RASGRP1: variants seen among roughly 807,000 people sequenced by gnomAD.
RASGRP1 encodes the protein RAS guanyl-releasing protein 1.
In RASGRP1, 37 loss-of-function variants were observed where a neutral mutation model predicts 95.1. That is an observed-to-expected ratio of 0.39 (90% CI 0.30 to 0.51). The LOEUF (loss-of-function observed/expected upper bound fraction) is 0.51. Ranked by LOEUF, RASGRP1 falls within the 20% of genes least tolerant of loss-of-function variation. The pLI, the probability that RASGRP1 is intolerant of heterozygous loss-of-function variation, is 0.80. For synonymous variants in RASGRP1, 325 were observed against 353.4 expected (o/e 0.92, Z 0.90); for missense variants, 711 against 965.4 (o/e 0.74, Z 3.49).
At chr15:38,547,534 C>G (rs1324242836) in intron 2 of RASGRP1, among the ~76,000 whole-genome samples, 2 of 152,276 alleles carry the variant, frequency 1.3e-5, no homozygotes, top group East Asian at 1.9e-4. Flanking sequence ...ACTCCCCTAC[C>G]AGTTTTTCCT....
At chr15:38,562,380 G>A (rs1295656688) in intron 1 of RASGRP1, among the ~76,000 whole-genome samples, 3 of 152,160 alleles carry the variant, frequency 2.0e-5, no homozygotes, top group East Asian at 1.9e-4. Flanking sequence ...GAAGAGCAAC[G>A]TGCCTGGCCA....
chr15:38,518,500 T>C (rs1891876594), intron 4 of RASGRP1, 77 bp from the exon 5 acceptor site: 1 of 1,448,476 alleles, frequency 6.9e-7, no homozygotes, highest in East Asian at 2.5e-5. Context: ...CAAAAGGAAT[T>C]TACTGCCACA....
At chr15:38,549,027 G>GC (rs1893220846) in intron 2 of RASGRP1, among the ~76,000 whole-genome samples, 1 of 152,208 alleles carries the variant, frequency 6.6e-6, no homozygotes, top group Admixed American at 6.5e-5. Context: ...ATTCCCGAGA[G>GC]CAAGTGCTCA....
At chr15:38,498,038 T>A (rs185942125) in intron 15 of RASGRP1, among the ~76,000 whole-genome samples, 1 of 152,292 alleles carries the variant, frequency 6.6e-6, no homozygotes, top group East Asian at 1.9e-4. Context: ...GGCTTGGGGT[T>A]CCTCTCCTGG....
chr15:38,490,715 T>G (rs761668657), intron 16 of RASGRP1, 27 bp from the exon 17 acceptor site: 2 of 1,589,578 alleles, frequency 1.3e-6, no homozygotes, highest in Non-Finnish European at 1.7e-6. Context: ...ATGAGGTATG[T>G]TAATAAAGCA....
chr15:38,503,318 T>G lies in RASGRP1; in HGVS notation c.1382A>C (p.Lys461Thr), dbSNP rs1891112484. 6.2e-7 allele frequency: 1 copy of G among 1,613,024 alleles called. No homozygotes were observed. Among genetic ancestry groups the G allele is most frequent in the Non-Finnish European group, 8.5e-7 (1 of 1,179,514 alleles). ...TTTGCTAATGGTTTTTGGATCAGGT[T>G]TGGGAGACACTCCAGAAGCCCAGTC... ...VVDWASGVSPKPDPKTISKHV... is the reference protein window; with the variant it reads ...VVDWASGVSPTPDPKTISKHV... The change falls in exon 11 of 17, where the codon AAA becomes ACA. Residue 461 changes from lysine to threonine, a missense_variant. Lys to Thr is a moderately conservative substitution (Grantham distance 78, BLOSUM62 -1). This residue lies in a region of RASGRP1 where 491 missense variants were observed against 676.6 expected (regional missense o/e 0.73). Transcript: ENST00000310803.
intron 3 of RASGRP1, chr15:38,524,354 G>A (rs1892115989): frequency 6.6e-6 from 1 of 152,408 alleles, no homozygotes; most frequent in African/African-American, 2.4e-5. Context: ...AAAGGAAGCT[G>A]AGTAAGAGGA....
intron 2 of RASGRP1, among the ~76,000 whole-genome samples, chr15:38,542,842 T>C (rs7178710): frequency 3.3e-4 from 38 of 115,264 alleles, no homozygotes; most frequent in Admixed American, 1.3e-3. Context: ...TGTGTATATA[T>C]ATATATGTGT....
At chr15:38,552,389 G>T (rs1321612940) in intron 2 of RASGRP1, among the ~76,000 whole-genome samples, 1 of 152,184 alleles carries the variant, frequency 6.6e-6, no homozygotes, top group Non-Finnish European at 1.5e-5. Context: ...AGCACCCTCT[G>T]TATCTGGGAA....
At chr15:38,493,469 GC>G (rs1890676081) in intron 16 of RASGRP1, among the ~76,000 whole-genome samples, 2 of 152,100 alleles carry the variant, frequency 1.3e-5, no homozygotes, top group Non-Finnish European at 1.5e-5. Context: ...ACCACGCCCA[GC>G]CCTATTTTCC....
At chr15:38,520,514 T>C (rs1753305464) in intron 3 of RASGRP1, among the ~76,000 whole-genome samples, 1 of 152,204 alleles carries the variant, frequency 6.6e-6, no homozygotes. Flanking sequence ...TAAAAGCATA[T>C]TAGAATGATA....
At chr15:38,531,172 A>C (rs758739037) in intron 2 of RASGRP1, among the ~76,000 whole-genome samples, 5 of 152,252 alleles carry the variant, frequency 3.3e-5, no homozygotes, top group African/African-American at 2.4e-5. Flanking sequence ...AGCATTGTTC[A>C]CAACTCACAG....
intron 3 of RASGRP1, among the ~76,000 whole-genome samples, chr15:38,525,092 T>C (rs1234796934): frequency 6.6e-6 from 1 of 151,756 alleles, no homozygotes; most frequent in African/African-American, 2.4e-5. Flanking sequence ...CTCAGCCTCA[T>C]GAGTAGCTGG....
At chr15:38,537,303 A>G (rs1252959830) in intron 2 of RASGRP1, among the ~76,000 whole-genome samples, 1 of 152,184 alleles carries the variant, frequency 6.6e-6, no homozygotes, top group African/African-American at 2.4e-5. Context: ...CTGCAGGCTG[A>G]ATAAGAAACA....
chr15:38,502,362 T>C lies in RASGRP1; in HGVS notation c.1488A>G (p.Glu496=). 1 of 1,607,398 alleles carries C rather than the reference T, an allele frequency of 6.2e-7. No individual in the cohort carries two copies. Among genetic ancestry groups the C allele is most frequent in the Non-Finnish European group, 8.5e-7 (1 of 1,173,966 alleles). ...AAAATGGAAAACTCGCAGCAATCTT[T>C]TCAAATTCTTCCTGAGAAATGTATC... ...QDGYISQEEF[E]KIAASFPFSF... Residue 496 remains glutamate (E), a synonymous_variant, in exon 12 of 17, where the codon GAA becomes GAG. Coordinates refer to ENST00000310803, the MANE Select transcript of RASGRP1 (RefSeq NM_005739.4).
intron 2 of RASGRP1, among the ~76,000 whole-genome samples, chr15:38,549,709 T>C (rs149677326): frequency 7.0e-6 from 1 of 143,872 alleles, no homozygotes; most frequent in Non-Finnish European, 1.5e-5. Flanking sequence ...TTTGTCCATT[T>C]CAATGAATCA....
intron 7 of RASGRP1, among the ~76,000 whole-genome samples, chr15:38,512,103 C>T (rs1891548389): frequency 6.6e-6 from 1 of 152,204 alleles, no homozygotes; most frequent in Non-Finnish European, 1.5e-5. Flanking sequence ...AATATCAGAG[C>T]AGGTGATCCA....
intron 10 of RASGRP1, chr15:38,503,873 T>C (rs566564023): frequency 1.1e-5 from 2 of 188,842 alleles, no homozygotes; most frequent in East Asian, 3.4e-4. Flanking sequence ...AAATGTGTCA[T>C]GAGGTGATTT....
chr15:38,502,040 A>G (rs1891050354), intron 12 of RASGRP1, among the ~76,000 whole-genome samples: 1 of 152,054 alleles, frequency 6.6e-6, no homozygotes. Context: ...TTTTTAGTAG[A>G]GACAGGGTTT....
Sources: gnomAD v4.1 joint callset for allele counts (sites outside exome capture counted in the v4.1 genomes callset) on GRCh38, gnomAD v4.1.1 for gene constraint, gnomAD v4.1.1 regional missense constraint, MANE v1.5 for transcripts, NCBI Gene and HGNC (gene_info 2026-07-23, HGNC 2026-07-21) for gene names.